NTNG1: variants seen among roughly 807,000 people sequenced by gnomAD.
NTNG1 encodes the protein netrin-G1.
Under a neutral mutation model 54.0 loss-of-function variants are expected in NTNG1, and 16 were observed. The observed-to-expected ratio is 0.30, with a 90% CI of 0.20 to 0.45. NTNG1 has a LOEUF of 0.45. Among genes scored for constraint, NTNG1 ranks in the 20% least tolerant of loss-of-function variants. NTNG1 has a pLI of 1.00. For synonymous variants in NTNG1, 255 were observed against 263.1 expected (o/e 0.97, Z 0.30); for missense variants, 530 against 678.7 (o/e 0.78, Z 2.43).
At chr1:107,401,048 T>G (rs910220569) in intron 4 of NTNG1, among the ~76,000 whole-genome samples, 1 of 152,190 alleles carries the variant, frequency 6.6e-6, no homozygotes, top group South Asian at 2.1e-4. Context: ...TTGTATCTCC[T>G]GGAATATGTG....
chr1:107,453,986 C>T (rs1302877999), intron 7 of NTNG1, among the ~76,000 whole-genome samples: 1 of 152,098 alleles, frequency 6.6e-6, no homozygotes, highest in Non-Finnish European at 1.5e-5. Context: ...CACCAACTCA[C>T]TGTGATAGGT....
At chr1:107,261,009 C>CA (rs2101650476) in intron 2 of NTNG1, 1 of 152,324 alleles carries the variant, frequency 6.6e-6, no homozygotes, top group South Asian at 2.1e-4. Flanking sequence ...ACTAAAGCTG[C>CA]AGCCCAGGTA....
chr1:107,403,172 A>AC (rs566956558), intron 4 of NTNG1, among the ~76,000 whole-genome samples: 8 of 152,088 alleles, frequency 5.3e-5, no homozygotes, highest in Admixed American at 2.6e-4. Flanking sequence ...CTAGGTTCTC[A>AC]CCCCCCTAAT....
intron 3 of NTNG1, among the ~76,000 whole-genome samples, chr1:107,345,195 T>G (rs964876481): frequency 6.6e-6 from 1 of 152,108 alleles, no homozygotes; most frequent in Admixed American, 6.6e-5. Flanking sequence ...AAATGCAGAG[T>G]TCCAGAGCTA....
intron 2 of NTNG1, among the ~76,000 whole-genome samples, chr1:107,303,257 T>C (rs1175604313): frequency 4.6e-5 from 7 of 152,230 alleles, no homozygotes; most frequent in African/African-American, 1.7e-4. Flanking sequence ...CCTGAACTAA[T>C]ACTGAGGAAA....
intron 1 of NTNG1, chr1:107,141,468 C>T (rs1034312026): frequency 2.6e-5 from 4 of 151,232 alleles, no homozygotes; most frequent in African/African-American, 9.7e-5. Context: ...CGGTAAGTGC[C>T]TGCGGCTCGC....
At chr1:107,435,808 C>T (rs1039599901) in intron 6 of NTNG1, among the ~76,000 whole-genome samples, 1 of 152,030 alleles carries the variant, frequency 6.6e-6, no homozygotes, top group African/African-American at 2.4e-5. Flanking sequence ...CTCACAGTAC[C>T]CAAAAGCTGC....
chr1:107,385,407 C>A (rs1671900537), intron 3 of NTNG1, among the ~76,000 whole-genome samples: 1 of 152,006 alleles, frequency 6.6e-6, no homozygotes, highest in African/African-American at 2.4e-5. Context: ...CATGATGGCT[C>A]CACACTGTGT....
intron 2 of NTNG1, among the ~76,000 whole-genome samples, chr1:107,265,283 T>A (rs193256072): frequency 3.9e-4 from 59 of 152,050 alleles, no homozygotes; most frequent in African/African-American, 1.3e-3. Context: ...TTTGGTAAAC[T>A]GTTACAAATT....
At chr1:107,237,994 C>T (rs1661534598) in intron 2 of NTNG1, among the ~76,000 whole-genome samples, 1 of 152,128 alleles carries the variant, frequency 6.6e-6, no homozygotes, top group Non-Finnish European at 1.5e-5. Flanking sequence ...CACCGTCCTC[C>T]AGATCCCAGA....
chr1:107,215,855 T>C (rs1208350628), intron 2 of NTNG1, among the ~76,000 whole-genome samples: 1 of 152,024 alleles, frequency 6.6e-6, no homozygotes, highest in Non-Finnish European at 1.5e-5. Flanking sequence ...GAGGTCTTTT[T>C]ACCTCCTTGG....
intron 3 of NTNG1, among the ~76,000 whole-genome samples, chr1:107,362,150 T>C (rs1047596654): frequency 1.3e-5 from 2 of 152,154 alleles, no homozygotes; most frequent in Non-Finnish European, 2.9e-5. Context: ...CCCCAACCTC[T>C]ACCCATTTTC....
chr1:107,263,322 TTCTTTCC>T (rs1663491794), intron 2 of NTNG1, among the ~76,000 whole-genome samples: 1 of 151,364 alleles, frequency 6.6e-6, no homozygotes, highest in African/African-American at 2.4e-5. Context: ...CCTTCCTTCC[TTCTTTCC>T]TTCCTTCCTT....
chr1:107,396,519 AATT>A (rs1672695380), intron 4 of NTNG1, among the ~76,000 whole-genome samples: 1 of 152,184 alleles, frequency 6.6e-6, no homozygotes, highest in Non-Finnish European at 1.5e-5. Flanking sequence ...TTGCTCCTAA[AATT>A]AATACATTAA....
rs142970273 is a variant in NTNG1, at chr1:107,383,728, G to A, written c.888-11426G>A. ...CCAGGACTTGAACTCAGCCCCTTTT[G>A]TCACCAGAGTCCAAGCTCTTAACAC... On this transcript the variant is annotated intron_variant, in intron 3 of 7. Transcript: ENST00000370068. 5.7e-3 allele frequency among the ~76,000 whole-genome samples: 875 copies of A among 152,320 alleles called. 5 individuals carry two copies. Among genetic ancestry groups the A allele is most frequent in the South Asian group, 0.013 (61 of 4,828 alleles).
At chr1:107,285,700 A>T (rs1665152326) in intron 2 of NTNG1, among the ~76,000 whole-genome samples, 1 of 152,184 alleles carries the variant, frequency 6.6e-6, no homozygotes, top group Admixed American at 6.6e-5. Flanking sequence ...GAAATTGTCG[A>T]AAACAATGAG....
At chr1:107,294,474 A>G (rs1336204120) in intron 2 of NTNG1, among the ~76,000 whole-genome samples, 2 of 152,196 alleles carry the variant, frequency 1.3e-5, no homozygotes, top group Non-Finnish European at 2.9e-5. Flanking sequence ...AGAAAGGAGC[A>G]AATTACCTCC....
chr1:107,293,729 A>G (rs1275658949), intron 2 of NTNG1, among the ~76,000 whole-genome samples: 1 of 152,216 alleles, frequency 6.6e-6, no homozygotes, highest in East Asian at 1.9e-4. Context: ...GATAATGAAC[A>G]TAAAGTACTT....
chr1:107,177,034 C>A (rs1431944264), intron 2 of NTNG1, among the ~76,000 whole-genome samples: 1 of 152,126 alleles, frequency 6.6e-6, no homozygotes, highest in South Asian at 2.1e-4. Context: ...CAGTTGAGAA[C>A]CACTGGTCCA....
Sources: allele counts gnomAD v4.1 joint callset (sites outside exome capture counted in the v4.1 genomes callset), GRCh38; gene constraint gnomAD v4.1.1; transcripts MANE v1.5; gene names NCBI Gene and HGNC (gene_info 2026-07-23, HGNC 2026-07-21).